PRDM11: variants seen among roughly 807,000 people sequenced by gnomAD.
PRDM11 encodes PR/SET domain 11, also known as PR domain-containing protein 11.
PRDM11 carries 20 observed loss-of-function variants against 97.8 expected under a neutral mutation model. That is an observed-to-expected ratio of 0.20 (90% CI 0.14 to 0.30). The LOEUF is 0.30. PRDM11 is among the 10% of genes least tolerant of loss of function. The pLI, the probability that PRDM11 is intolerant of heterozygous loss-of-function variation, is 1.00. For missense variants in PRDM11, 1,139 were observed against 1,555.2 expected, an observed-to-expected ratio of 0.73 and a Z score of 4.50; for synonymous variants, 599 against 637.7, an observed-to-expected ratio of 0.94 and a Z score of 0.91.
rs527480461 is a variant in PRDM11 at position 45,105,674 on chromosome 11, G to A, written c.96+9773G>A. ...TTGCCCTTCCCAACAGCTTGGCATG[G>A]CCCTGGCCCGCCACCTGGTGGCCAC... On this transcript the variant is annotated intron_variant, in intron 1 of 6. Transcript: ENST00000530656. 1.3e-4 allele frequency among the ~76,000 whole-genome samples: 20 copies of A among 152,326 alleles called. No individual in the cohort carries two copies. The South Asian group carries it at 4.1e-3, about 32-fold the overall frequency.
chr11:45,130,626 C>A (rs529878931), intron 1 of PRDM11, among the ~76,000 whole-genome samples: 120 of 152,252 alleles, frequency 7.9e-4, no homozygotes, highest in Non-Finnish European at 1.4e-3. Context: ...TAAATTGATA[C>A]AATTACTTTG....
intron 1 of PRDM11, among the ~76,000 whole-genome samples, chr11:45,134,232 A>G (rs945541405): frequency 6.6e-6 from 1 of 152,218 alleles, no homozygotes; most frequent in Admixed American, 6.5e-5. Context: ...CAAATAGCTC[A>G]TGCTGAAATA....
At chr11:45,165,883 C>T (rs761498042) in intron 1 of PRDM11, among the ~76,000 whole-genome samples, 1 of 152,290 alleles carries the variant, frequency 6.6e-6, no homozygotes, top group Middle Eastern at 3.4e-3. Flanking sequence ...AAGACCCCCT[C>T]CCATTGCAGC....
At chr11:45,189,644 A>G (rs994874703) in intron 4 of PRDM11, among the ~76,000 whole-genome samples, 1 of 152,252 alleles carries the variant, frequency 6.6e-6, no homozygotes, top group Admixed American at 6.5e-5. Context: ...AGAAGCAGAT[A>G]TGAAATGGTG....
chr11:45,106,595 G>T (rs1338281179), intron 1 of PRDM11, among the ~76,000 whole-genome samples: 2 of 152,160 alleles, frequency 1.3e-5, no homozygotes, highest in Non-Finnish European at 2.9e-5. Context: ...TGAGGCGCCG[G>T]CTGGAAGATT....
At chr11:45,145,764 C>A (rs1851494011), upstream of PRDM11, among the ~76,000 whole-genome samples, 2 of 152,112 alleles carry the variant, frequency 1.3e-5, no homozygotes, top group African/African-American at 4.8e-5. Flanking sequence ...CTGCAGTGTC[C>A]CTTGCCCTCC....
rs959359088 is a variant in PRDM11, at chr11:45,146,809, T to TCCGCCGAGCCGC, written c.-68_-57dup. The TCCGCCGAGCCGC allele has an allele frequency of 4.9e-5, 7 of 142,892 alleles. No homozygotes were observed. The highest frequency in any genetic ancestry group is 7.5e-5 in the African/African-American group (3 of 40,140). 8.9% of individuals were successfully genotyped at this position (142,892 alleles called of 1,614,324 possible). On this transcript the variant is annotated 5_prime_UTR_variant, in exon 1 of 8. Coordinates refer to ENST00000683152, the MANE Select transcript of PRDM11 (RefSeq NM_001384648.1). ...GGCCGCCAGCCGAGGCCGCGCCGCCTCCGCCGAGCCGCCCGCCGGGCCGCT... is the reference window on the plus strand; with the variant it reads ...GGCCGCCAGCCGAGGCCGCGCCGCCTCCGCCGAGCCGCCCGCCGAGCCGCCCGCCGGGCCGCT...
At chr11:45,168,407 C>T (rs958239019) in intron 1 of PRDM11, among the ~76,000 whole-genome samples, 2 of 152,178 alleles carry the variant, frequency 1.3e-5, no homozygotes, top group African/African-American at 4.8e-5. Context: ...CCCCCAACTC[C>T]AGGAATTGGG....
At chr11:45,110,562 A>G (rs1190698325) in intron 1 of PRDM11, among the ~76,000 whole-genome samples, 4 of 152,180 alleles carry the variant, frequency 2.6e-5, no homozygotes, top group African/African-American at 9.7e-5. Context: ...CTCTCCTCTG[A>G]CCTGGGGGCT....
At chr11:45,204,867 T>A in intron 5 of PRDM11, 89 bp downstream of exon 5, 3 of 1,353,108 alleles carry the variant, frequency 2.2e-6, no homozygotes, top group Non-Finnish European at 3.2e-6. Context: ...GGAGCTCCAG[T>A]GGTGGAGACT....
At chr11:45,187,467 C>T (rs1349234635) in intron 4 of PRDM11, among the ~76,000 whole-genome samples, 2 of 152,180 alleles carry the variant, frequency 1.3e-5, no homozygotes, top group African/African-American at 2.4e-5. Context: ...CCCAGGTTGG[C>T]TGCCTGGCAC....
intron 4 of PRDM11, among the ~76,000 whole-genome samples, chr11:45,195,839 G>C (rs1590430900): frequency 1.3e-5 from 2 of 152,088 alleles, no homozygotes; most frequent in South Asian, 4.1e-4. Context: ...GCCTCCCAAA[G>C]TGCTGGGGTT....
At chr11:45,095,622 C>T (rs967289728), upstream of PRDM11, among the ~76,000 whole-genome samples, 2 of 152,246 alleles carry the variant, frequency 1.3e-5, no homozygotes, top group African/African-American at 4.8e-5. Flanking sequence ...TCTGCAATTA[C>T]ATGTCACTAT....
In PRDM11 at chr11:45,178,209, C is replaced by T. The variant is rs1852375991; in HGVS notation, c.-6-3552C>T. ...TTATTCTCTTACTATTGCCTATCCT[C>T]CCTCCAAACCCCTTCCGCATCCCTC... On this transcript the variant is annotated intron_variant, in intron 1 of 7. Coordinates refer to ENST00000683152, the MANE Select transcript of PRDM11 (RefSeq NM_001384648.1). Among the ~76,000 whole-genome samples, 6 of 152,162 alleles carry T rather than the reference C, an allele frequency of 3.9e-5. No homozygotes were observed. The South Asian group carries it at 1.2e-3, about 32-fold the overall frequency.
At chr11:45,112,349 C>G (rs1459333462) in intron 1 of PRDM11, among the ~76,000 whole-genome samples, 1 of 152,208 alleles carries the variant, frequency 6.6e-6, no homozygotes, top group Non-Finnish European at 1.5e-5. Flanking sequence ...GGTTGATGGG[C>G]ACTTAGGTTG....
chr11:45,098,051 G>A (rs540117104), intron 1 of PRDM11, among the ~76,000 whole-genome samples: 1 of 152,362 alleles, frequency 6.6e-6, no homozygotes, highest in Non-Finnish European at 1.5e-5. Flanking sequence ...ATCTCAGAAG[G>A]AGGAATTAGT....
In PRDM11 at chr11:45,181,775, G is replaced by C. The variant is rs143423151; in HGVS notation, c.9G>C (p.Glu3Asp). The stretch of plus-strand genomic sequence containing the variant: ...CTGCGTCCCAGGACAGAATGACCGA[G>C]AACATGAAGGAGTGCTTGGCCCAGA... MT[E>D]NMKECLAQTN... Residue 3 changes from glutamate to aspartate, a missense_variant, in exon 2 of 8, where the codon GAG (glutamate) becomes GAC (aspartate). Coordinates refer to ENST00000683152, the MANE Select transcript of PRDM11 (RefSeq NM_001384648.1). 5 of 1,613,276 alleles carry C rather than the reference G, an allele frequency of 3.1e-6. 1 individual carries two copies. The South Asian group carries it at 3.3e-5, about 11-fold the overall frequency.
At chr11:45,210,924 C>T (rs1357284570) in intron 5 of PRDM11, among the ~76,000 whole-genome samples, 1 of 152,110 alleles carries the variant, frequency 6.6e-6, no homozygotes, top group Non-Finnish European at 1.5e-5. Flanking sequence ...TTCCCTGCAT[C>T]CTGCTCCGCT....
intron 1 of PRDM11, among the ~76,000 whole-genome samples, chr11:45,110,381 G>T (rs1277763793): frequency 6.6e-6 from 1 of 152,170 alleles, no homozygotes; most frequent in African/African-American, 2.4e-5. Context: ...TAAAAGGGGG[G>T]TGGGGATGAG....
Sources: allele counts gnomAD v4.1 joint callset (sites outside exome capture counted in the v4.1 genomes callset), GRCh38; gene constraint gnomAD v4.1.1; transcripts MANE v1.5; gene names NCBI Gene and HGNC (gene_info 2026-07-23, HGNC 2026-07-21).